The following BORCS5 variants were observed in gnomAD, a reference collection of about 807,000 sequenced individuals.
BORCS5 encodes the protein BLOC-1-related complex subunit 5.
BORCS5 carries 17 observed loss-of-function variants against 22.1 expected under a neutral mutation model. That is an observed-to-expected ratio of 0.77 (90% CI 0.53 to 1.15). The LOEUF is 1.15. Among genes scored for constraint, BORCS5 ranks in the 50% most tolerant of loss-of-function variants. BORCS5 has a pLI of 0.00. For synonymous variants in BORCS5, 117 were observed against 99.8 expected, an observed-to-expected ratio of 1.17 and a Z score of -1.03; for missense variants, 247 against 253.2, an observed-to-expected ratio of 0.98 and a Z score of 0.17.
chr12:12,380,563 AT>A (rs1249873802), intron 2 of BORCS5, among the ~76,000 whole-genome samples: 1 of 151,556 alleles, frequency 6.6e-6, no homozygotes, highest in Non-Finnish European at 1.5e-5. Context: ...CCTGTTATGA[AT>A]AATGCTGCTA....
chr12:12,448,166 G>T (rs932323862), intron 3 of BORCS5, among the ~76,000 whole-genome samples: 2 of 152,056 alleles, frequency 1.3e-5, no homozygotes, highest in Non-Finnish European at 2.9e-5. Context: ...CTAAAGCCGC[G>T]CTTCCTTTCC....
At position 12,470,174 on chromosome 12, in the gene BORCS5, A is replaced by C. The variant is rs1367795059; in HGVS notation, c.*4398A>C. On this transcript the variant is annotated 3_prime_UTR_variant, in exon 4 of 4. Coordinates refer to ENST00000314565, the MANE Select transcript of BORCS5 (RefSeq NM_058169.6). ...CAACCTCCGCCTCCCGGGTTCAAGC[A>C]GTTATACTGTCTCAGCCTCCCGAGT... Among the ~76,000 whole-genome samples, 1 of 152,130 alleles carries C rather than the reference A, an allele frequency of 6.6e-6. No homozygotes were observed. Among genetic ancestry groups the C allele is most frequent in the Non-Finnish European group, 1.5e-5 (1 of 68,004 alleles).
chr12:12,400,936 ACTTT>A (rs942117566), intron 2 of BORCS5, among the ~76,000 whole-genome samples: 5 of 152,100 alleles, frequency 3.3e-5, no homozygotes, highest in African/African-American at 7.2e-5. Context: ...TACTTGTGTA[ACTTT>A]CTTTTTTCTT....
chr12:12,418,860 T>G (rs555003233), intron 2 of BORCS5, among the ~76,000 whole-genome samples: 1 of 152,282 alleles, frequency 6.6e-6, no homozygotes, highest in Non-Finnish European at 1.5e-5. Flanking sequence ...CCATATACAT[T>G]TAAAGTACTT....
intron 3 of BORCS5, among the ~76,000 whole-genome samples, chr12:12,437,789 T>G (rs1942584889): frequency 6.7e-6 from 1 of 148,592 alleles, no homozygotes; most frequent in South Asian, 2.1e-4. Context: ...AGAAACAGAG[T>G]CTTATGCTGT....
intron 2 of BORCS5, among the ~76,000 whole-genome samples, chr12:12,403,102 C>T (rs531025437): frequency 6.6e-6 from 1 of 151,574 alleles, no homozygotes; most frequent in African/African-American, 2.4e-5. Flanking sequence ...TGTATTTTCT[C>T]GTTTAATCCT....
intron 2 of BORCS5, among the ~76,000 whole-genome samples, chr12:12,417,493 A>C (rs1002048716): frequency 3.3e-5 from 5 of 152,122 alleles, no homozygotes; most frequent in Admixed American, 2.6e-4. Flanking sequence ...TGTGTGTTCA[A>C]GTCCTCTACT....
intron 3 of BORCS5, among the ~76,000 whole-genome samples, chr12:12,446,199 C>T (rs1042160368): frequency 6.9e-6 from 1 of 145,248 alleles, no homozygotes; most frequent in African/African-American, 2.5e-5. Flanking sequence ...ATTGTGGACA[C>T]AGACAATAAA....
At chr12:12,406,120 T>C (rs753191604) in intron 2 of BORCS5, among the ~76,000 whole-genome samples, 8 of 152,268 alleles carry the variant, frequency 5.3e-5, no homozygotes, top group Non-Finnish European at 1.0e-4. Flanking sequence ...ATGTACTTCA[T>C]GGAAGGCCCT....
intron 3 of BORCS5, among the ~76,000 whole-genome samples, chr12:12,442,824 A>T (rs1316084338): frequency 6.6e-6 from 1 of 152,156 alleles, no homozygotes; most frequent in Non-Finnish European, 1.5e-5. Context: ...CTGGTGTTTG[A>T]AGGAATGCAC....
At chr12:12,382,821 C>G (rs1863803417) in intron 2 of BORCS5, among the ~76,000 whole-genome samples, 1 of 151,258 alleles carries the variant, frequency 6.6e-6, no homozygotes, top group South Asian at 2.1e-4. Context: ...GTGTGAGCCA[C>G]CGTGCCCAGT....
At chr12:12,411,321 T>G (rs1209384796) in intron 2 of BORCS5, among the ~76,000 whole-genome samples, 1 of 152,218 alleles carries the variant, frequency 6.6e-6, no homozygotes, top group Non-Finnish European at 1.5e-5. Context: ...AAGGGAATGC[T>G]TCCAGTTTTT....
intron 2 of BORCS5, among the ~76,000 whole-genome samples, chr12:12,400,491 G>C (rs1462059466): frequency 6.6e-6 from 1 of 151,790 alleles, no homozygotes; most frequent in Admixed American, 6.6e-5. Context: ...GACCCAGCAG[G>C]GTTTAAGAAA....
chr12:12,423,528 T>C (rs187126467), intron 2 of BORCS5, among the ~76,000 whole-genome samples: 43 of 138,892 alleles, frequency 3.1e-4, no homozygotes, highest in African/African-American at 1.3e-3. Context: ...GATATAAAAT[T>C]CTTGGTTGAC....
chr12:12,435,568 T>TTTA (rs1380061675), intron 2 of BORCS5, 60 bp from the exon 3 acceptor site: 2 of 1,449,042 alleles, frequency 1.4e-6, no homozygotes, highest in African/African-American at 2.8e-5. Context: ...GTTAAACTAC[T>TTTA]TTATTCACAA....
At chr12:12,413,480 C>G (rs986211077) in intron 2 of BORCS5, among the ~76,000 whole-genome samples, 2 of 150,138 alleles carry the variant, frequency 1.3e-5, no homozygotes, top group African/African-American at 4.9e-5. Context: ...ATGTCTACCT[C>G]CATCCACACA....
chr12:12,440,764 G>A (rs1942667571), intron 3 of BORCS5, among the ~76,000 whole-genome samples: 1 of 152,184 alleles, frequency 6.6e-6, no homozygotes, highest in African/African-American at 2.4e-5. Context: ...AGAAATCTCT[G>A]CATTAAGAAC....
chr12:12,447,221 G>T (rs1000308217), intron 3 of BORCS5, among the ~76,000 whole-genome samples: 4 of 152,148 alleles, frequency 2.6e-5, no homozygotes, highest in Admixed American at 2.0e-4. Context: ...GAAATGTCCA[G>T]CCTCCACTCC....
At chr12:12,362,683 A>G (rs1297936892) in intron 2 of BORCS5, among the ~76,000 whole-genome samples, 1 of 111,132 alleles carries the variant, frequency 9.0e-6, no homozygotes. Context: ...TCTGTCACCC[A>G]GGCTGGAGTG....
Sources: allele counts gnomAD v4.1 joint callset (sites outside exome capture counted in the v4.1 genomes callset), GRCh38; gene constraint gnomAD v4.1.1; transcripts MANE v1.5; gene names NCBI Gene and HGNC (gene_info 2026-07-23, HGNC 2026-07-21).